The following RCSD1 variants were observed in gnomAD, a reference collection of about 807,000 sequenced individuals.
RCSD1 encodes the protein RCSD domain containing 1, also known as capZ-interacting protein.
RCSD1 carries 26 observed loss-of-function variants against 42.5 expected under a neutral mutation model. That is an observed-to-expected ratio of 0.61 (90% CI 0.45 to 0.85). The LOEUF (loss-of-function observed/expected upper bound fraction) is 0.85, where lower values mean the gene tolerates loss of function less well. Among genes scored for constraint, RCSD1 ranks in the 40% least tolerant of loss-of-function variants. The probability of loss-of-function intolerance (pLI) is 0.00; values close to 1 mark genes in which losing one functional copy is unlikely to be tolerated. For missense variants in RCSD1, 571 were observed against 528.3 expected (o/e 1.08, Z -0.79); for synonymous variants, 220 against 212.2 (o/e 1.04, Z -0.32).
In RCSD1 at chr1:167,694,239, A is replaced by G. The variant is rs7554805; in HGVS notation, c.411A>G (p.Ala137=). The stretch of plus-strand genomic sequence containing the variant: ...GTGTGCGATCTAGGCCCAGCGAGGC[A>G]GAGGAGGTGCCTGTCAGCTTCGACC... ...SPGVRSRPSE[A]EEVPVSFDQP... is the part of the protein sequence containing the mutation. Residue 137 remains alanine (A), a synonymous_variant, in exon 5 of 7, where the codon GCA becomes GCG. Coordinates refer to ENST00000367854, the MANE Select transcript of RCSD1 (RefSeq NM_052862.4). The G allele has an allele frequency of 0.018, 28,702 of 1,614,198 alleles. 302 individuals carry two copies. Among genetic ancestry groups the G allele is most frequent in the Non-Finnish European group, 0.021 (24,213 of 1,180,038 alleles).
chr1:167,665,333 A>C (rs879413684), intron 1 of RCSD1, among the ~76,000 whole-genome samples: 117 of 149,300 alleles, frequency 7.8e-4, no homozygotes, highest in Non-Finnish European at 1.2e-3. Context: ...TCCATAATGT[A>C]CGTATAACAC....
intron 1 of RCSD1, among the ~76,000 whole-genome samples, chr1:167,680,756 A>G (rs995258059): frequency 3.9e-5 from 6 of 152,192 alleles, no homozygotes; most frequent in African/African-American, 1.2e-4. Context: ...TCCAGGCTTG[A>G]GCTACTGTGC....
At chr1:167,656,259 CAT>C (rs1658423935) in intron 1 of RCSD1, among the ~76,000 whole-genome samples, 1 of 152,164 alleles carries the variant, frequency 6.6e-6, no homozygotes, top group Non-Finnish European at 1.5e-5. Flanking sequence ...AGTTCTATGA[CAT>C]AATCCTCCCT....
intron 1 of RCSD1, among the ~76,000 whole-genome samples, chr1:167,645,405 A>G (rs945873): frequency 0.077 from 11,768 of 152,220 alleles, 474 homozygotes; most frequent in South Asian, 0.092. Context: ...AATAAGCTGG[A>G]GGTTTAGTGG....
At chr1:167,677,920 ATTC>A (rs1435741747) in intron 1 of RCSD1, among the ~76,000 whole-genome samples, 3 of 152,204 alleles carry the variant, frequency 2.0e-5, no homozygotes, top group Non-Finnish European at 4.4e-5. Context: ...TGTTTATCTT[ATTC>A]AGGAATAAAG....
At chr1:167,695,743 G>T (rs1659484980) in intron 5 of RCSD1, among the ~76,000 whole-genome samples, 1 of 151,868 alleles carries the variant, frequency 6.6e-6, no homozygotes, top group Non-Finnish European at 1.5e-5. Context: ...GGCTCCTGCA[G>T]CTTCTGGGCT....
At chr1:167,634,654 A>G (rs909787002) in intron 1 of RCSD1, among the ~76,000 whole-genome samples, 2 of 152,228 alleles carry the variant, frequency 1.3e-5, no homozygotes, top group Admixed American at 1.3e-4. Context: ...CTTGAAAAAA[A>G]GTATAATTTT....
chr1:167,659,415 G>A (rs1658494262), intron 1 of RCSD1, among the ~76,000 whole-genome samples: 2 of 152,014 alleles, frequency 1.3e-5, no homozygotes, highest in South Asian at 4.2e-4. Flanking sequence ...TTTGTTTCCT[G>A]GGGTTTTAAA....
At chr1:167,650,315 G>T (rs779866084) in intron 1 of RCSD1, among the ~76,000 whole-genome samples, 1 of 152,184 alleles carries the variant, frequency 6.6e-6, no homozygotes, top group Non-Finnish European at 1.5e-5. Flanking sequence ...GTGTTGGGGT[G>T]GGGGCAGGGT....
chr1:167,666,267 T>C (rs34398230), intron 1 of RCSD1, among the ~76,000 whole-genome samples: 5,783 of 152,288 alleles, frequency 0.038, 142 homozygotes, highest in Non-Finnish European at 0.061. Flanking sequence ...ATTCAGTTAC[T>C]TGGGCTCCTG....
chr1:167,654,601 C>A (rs995819302), intron 1 of RCSD1, among the ~76,000 whole-genome samples: 2 of 152,092 alleles, frequency 1.3e-5, no homozygotes, highest in South Asian at 2.1e-4. Flanking sequence ...TTGACAGGGG[C>A]CTTATATTCT....
Position 167,697,191 on chromosome 1 carries a change from G to T in RCSD1, c.567G>T (p.Ala189=). The part of the protein sequence containing the change: ...SDCGELGDFR[A]VESSQQNGAK... Reference sequence around the variant, plus strand: ...GTGGAGAACTTGGAGATTTCAGGGCGGTGGAGTCATCTCAGCAGAACGGTG... The same window carrying T: ...GTGGAGAACTTGGAGATTTCAGGGCTGTGGAGTCATCTCAGCAGAACGGTG... Residue 189 remains alanine, a synonymous_variant, in exon 6 of 7, where the codon GCG becomes GCT. Coordinates refer to ENST00000367854, the MANE Select transcript of RCSD1 (RefSeq NM_052862.4). The T allele has an allele frequency of 6.2e-7, 1 of 1,614,202 alleles. No homozygotes were observed. The highest frequency in any genetic ancestry group is 1.1e-5 in the South Asian group (1 of 91,086).
intron 3 of RCSD1, among the ~76,000 whole-genome samples, chr1:167,686,484 C>G (rs185849426): frequency 7.6e-4 from 115 of 152,272 alleles, no homozygotes; most frequent in African/African-American, 2.5e-3. Context: ...GGCTTATAAA[C>G]AGAAGCCCAC....
intron 1 of RCSD1, among the ~76,000 whole-genome samples, chr1:167,680,119 C>A (rs1023785975): frequency 6.6e-6 from 1 of 152,034 alleles, no homozygotes; most frequent in East Asian, 1.9e-4. Flanking sequence ...GTAAGCAAGA[C>A]CTGGGCCCAG....
intron 1 of RCSD1, among the ~76,000 whole-genome samples, chr1:167,644,420 A>G (rs1488484883): frequency 1.3e-5 from 2 of 152,182 alleles, no homozygotes; most frequent in East Asian, 3.8e-4. Context: ...CAGAAGTTGC[A>G]GTAAGCCAAG....
intron 1 of RCSD1, among the ~76,000 whole-genome samples, chr1:167,653,931 G>C (rs1571680386): frequency 2.0e-5 from 3 of 152,188 alleles, no homozygotes; most frequent in African/African-American, 7.2e-5. Context: ...TCCCTGGTGG[G>C]AAGAGCAGGG....
At chr1:167,690,494 T>G (rs1659348862) in intron 4 of RCSD1, among the ~76,000 whole-genome samples, 1 of 152,076 alleles carries the variant, frequency 6.6e-6, no homozygotes. Flanking sequence ...GGCAACATAG[T>G]GAGACACTAT....
chr1:167,650,478 C>G (rs748958111), intron 1 of RCSD1, among the ~76,000 whole-genome samples: 16 of 152,196 alleles, frequency 1.1e-4, no homozygotes, highest in Non-Finnish European at 2.1e-4. Flanking sequence ...TTTGAAGCCA[C>G]CAGCCAGGGG....
intron 6 of RCSD1, among the ~76,000 whole-genome samples, chr1:167,700,033 C>T (rs1571110258): frequency 6.6e-6 from 1 of 152,232 alleles, no homozygotes; most frequent in Non-Finnish European, 1.5e-5. Context: ...TTGTATTTCT[C>T]TACTCCTTTT....
Sources: allele counts gnomAD v4.1 joint callset (sites outside exome capture counted in the v4.1 genomes callset), GRCh38; gene constraint gnomAD v4.1.1; transcripts MANE v1.5; gene names NCBI Gene and HGNC (gene_info 2026-07-23, HGNC 2026-07-21).